The following SND1 variants were observed in gnomAD, a reference collection of about 807,000 sequenced individuals.
SND1 encodes the protein staphylococcal nuclease domain-containing protein 1.
SND1 carries 38 observed loss-of-function variants against 121.7 expected under a neutral mutation model. That is an observed-to-expected ratio of 0.31 (90% CI 0.24 to 0.41). SND1 has a LOEUF of 0.41. SND1 is among the 10% of genes least tolerant of loss of function. SND1 has a pLI of 1.00. For synonymous variants in SND1, 401 were observed against 447.4 expected, an observed-to-expected ratio of 0.90 and a Z score of 1.31; for missense variants, 868 against 1,184.6, an observed-to-expected ratio of 0.73 and a Z score of 3.92.
At chr7:127,996,728 A>G (rs1041324368) in intron 16 of SND1, among the ~76,000 whole-genome samples, 10 of 152,190 alleles carry the variant, frequency 6.6e-5, no homozygotes, top group African/African-American at 2.4e-4. Flanking sequence ...CTGTCCGGCA[A>G]TGTTTCATTT....
At chr7:127,819,691 A>C (rs1310352564) in intron 11 of SND1, among the ~76,000 whole-genome samples, 2 of 152,174 alleles carry the variant, frequency 1.3e-5, no homozygotes, top group Non-Finnish European at 2.9e-5. Flanking sequence ...AACAGAAGGA[A>C]CCAGCAGGCC....
chr7:127,856,985 A>C (rs1272129209), intron 12 of SND1, among the ~76,000 whole-genome samples: 1 of 152,096 alleles, frequency 6.6e-6, no homozygotes, highest in Non-Finnish European at 1.5e-5. Context: ...CATTGAGTGA[A>C]GGTTAACCAC....
chr7:127,691,809 A>G (rs1373746997), intron 2 of SND1, among the ~76,000 whole-genome samples: 1 of 123,140 alleles, frequency 8.1e-6, no homozygotes, highest in African/African-American at 3.2e-5. Flanking sequence ...TTGTATTTTC[A>G]GTAGAGATGG....
chr7:127,686,980 C>A, intron 2 of SND1: 2 of 466,772 alleles, frequency 4.3e-6, no homozygotes, highest in South Asian at 3.9e-5. Flanking sequence ...TTTTCTTGTA[C>A]CTTTTCCCAT....
At chr7:127,832,934 C>A (rs948955480) in intron 11 of SND1, among the ~76,000 whole-genome samples, 5 of 152,284 alleles carry the variant, frequency 3.3e-5, no homozygotes, top group African/African-American at 1.2e-4. Flanking sequence ...TTATGAGAAT[C>A]TAATGCTTGA....
chr7:127,659,357 G>A (rs145064754), intron 1 of SND1, among the ~76,000 whole-genome samples: 200 of 152,160 alleles, frequency 1.3e-3, no homozygotes, highest in African/African-American at 4.5e-3. Flanking sequence ...GGTTTCAGTT[G>A]GCATTTTTTA....
At chr7:127,901,868 G>A (rs1193619860) in intron 13 of SND1, among the ~76,000 whole-genome samples, 1 of 152,148 alleles carries the variant, frequency 6.6e-6, no homozygotes, top group African/African-American at 2.4e-5. Context: ...ATAAGTATCT[G>A]ATAATATGCT....
At chr7:128,041,400 T>C (rs1027673207) in intron 16 of SND1, among the ~76,000 whole-genome samples, 1 of 152,286 alleles carries the variant, frequency 6.6e-6, no homozygotes, top group East Asian at 1.9e-4. Flanking sequence ...AATGGGTGAA[T>C]TGGCTAACAT....
intron 15 of SND1, among the ~76,000 whole-genome samples, chr7:127,984,078 G>T (rs1217117999): frequency 6.6e-6 from 1 of 152,122 alleles, no homozygotes; most frequent in Non-Finnish European, 1.5e-5. Flanking sequence ...TTAAAGGCAG[G>T]TCTCCACGCC....
intron 2 of SND1, chr7:127,687,077 C>T: frequency 4.4e-6 from 1 of 224,810 alleles, no homozygotes; most frequent in Admixed American, 5.7e-5. Context: ...TTTGAAATCA[C>T]CATTGGTTAT....
chr7:127,828,637 G>A (rs1204231988), intron 11 of SND1, among the ~76,000 whole-genome samples: 2 of 152,124 alleles, frequency 1.3e-5, no homozygotes, highest in Non-Finnish European at 1.5e-5. Context: ...TTCTTGTAGA[G>A]TTGTCTAAAA....
chr7:127,976,286 T>G (rs1369091793), intron 15 of SND1, among the ~76,000 whole-genome samples: 2 of 152,268 alleles, frequency 1.3e-5, no homozygotes, highest in Non-Finnish European at 2.9e-5. Context: ...GGTGCTGTCC[T>G]TCTTTTGTGC....
chr7:127,950,357 C>T (rs1390102494), intron 15 of SND1, among the ~76,000 whole-genome samples: 1 of 152,200 alleles, frequency 6.6e-6, no homozygotes, highest in Non-Finnish European at 1.5e-5. Flanking sequence ...ATGAAACTCT[C>T]AGTTTCCGCA....
At chr7:128,059,134 A>G (rs12533765) in intron 16 of SND1, among the ~76,000 whole-genome samples, 31,575 of 152,058 alleles carry the variant, frequency 0.21, 3,716 homozygotes, top group Middle Eastern at 0.29. Context: ...GACATTCCCT[A>G]TGCTGGAACA....
chr7:128,084,664 CCTG>C, intron 18 of SND1, 57 bp from the exon 19 acceptor site: 1 of 1,514,068 alleles, frequency 6.6e-7, no homozygotes, highest in Non-Finnish European at 8.9e-7. Flanking sequence ...CCAGAAAAAC[CCTG>C]CTGAGCCGTC....
At chr7:128,048,158 G>A (rs551455988) in intron 16 of SND1, among the ~76,000 whole-genome samples, 1 of 152,142 alleles carries the variant, frequency 6.6e-6, no homozygotes, top group African/African-American at 2.4e-5. Context: ...CTTCTTCCTT[G>A]TTCTTATCTG....
intron 15 of SND1, among the ~76,000 whole-genome samples, chr7:127,934,371 C>T (rs1040332349): frequency 2.0e-5 from 3 of 152,168 alleles, no homozygotes; most frequent in Admixed American, 6.5e-5. Flanking sequence ...TCAGATTATG[C>T]AGTGGACCCT....
intron 1 of SND1, among the ~76,000 whole-genome samples, chr7:127,661,667 C>G (rs1795314003): frequency 6.6e-6 from 1 of 152,110 alleles, no homozygotes; most frequent in Non-Finnish European, 1.5e-5. Context: ...CCTTGATGGC[C>G]TTTTTTCATT....
intron 10 of SND1, among the ~76,000 whole-genome samples, chr7:127,797,624 C>A (rs1336778906): frequency 6.6e-6 from 1 of 152,222 alleles, no homozygotes; most frequent in Non-Finnish European, 1.5e-5. Flanking sequence ...TGGGGCAGGG[C>A]CCCAGCATCT....
Sources: gnomAD v4.1 joint callset for allele counts (sites outside exome capture counted in the v4.1 genomes callset) on GRCh38, gnomAD v4.1.1 for gene constraint, MANE v1.5 for transcripts, NCBI Gene and HGNC (gene_info 2026-07-23, HGNC 2026-07-21) for gene names.